Variants in PEMT observed in about 807,000 individuals in gnomAD.
PEMT encodes the protein phospholipid methyltransferase.
A neutral mutation model predicts 27.4 loss-of-function variants in PEMT; 23 were observed. The ratio of observed to expected loss-of-function variants is 0.84; its 90% CI spans 0.60 to 1.19. The LOEUF is 1.19. Among genes scored for constraint, PEMT ranks in the 50% most tolerant of loss-of-function variants. The pLI is 0.00. For missense variants in PEMT, 307 were observed against 310.1 expected, an observed-to-expected ratio of 0.99 and a Z score of 0.07; for synonymous variants, 137 against 139.1, an observed-to-expected ratio of 0.98 and a Z score of 0.11.
intron 2 of PEMT, among the ~76,000 whole-genome samples, chr17:17,525,977 G>A (rs1201539809): frequency 6.8e-6 from 1 of 146,370 alleles, no homozygotes; most frequent in Admixed American, 6.9e-5. Context: ...CTGGGTGACA[G>A]AGCGAAACTC....
intron 4 of PEMT, among the ~76,000 whole-genome samples, chr17:17,510,382 G>T (rs1309442689): frequency 6.6e-6 from 1 of 152,168 alleles, no homozygotes; most frequent in Non-Finnish European, 1.5e-5. Context: ...CCAGCCTTCT[G>T]TCCCCAGAAA....
intron 2 of PEMT, among the ~76,000 whole-genome samples, chr17:17,528,691 A>G (rs1907876476): frequency 6.6e-6 from 1 of 152,248 alleles, no homozygotes; most frequent in Non-Finnish European, 1.5e-5. Flanking sequence ...GCCCCCCAGA[A>G]CCTATGAGAG....
chr17:17,580,165 T>G (rs553261987), intron 1 of PEMT, among the ~76,000 whole-genome samples: 4 of 152,232 alleles, frequency 2.6e-5, no homozygotes, highest in African/African-American at 9.6e-5. Flanking sequence ...GGCCTGGCCT[T>G]ATCTTCAGCT....
intron 5 of PEMT, chr17:17,507,827 C>T (rs1906007864): frequency 6.5e-6 from 1 of 153,874 alleles, no homozygotes; most frequent in Non-Finnish European, 1.4e-5. Context: ...GATAATGGCT[C>T]ATCTCTAATG....
chr17:17,570,456 C>T (rs900935486), intron 2 of PEMT: 2 of 943,068 alleles, frequency 2.1e-6, no homozygotes, highest in Non-Finnish European at 2.5e-6. Context: ...GGGCAGAGGC[C>T]GGGGACATTG....
chr17:17,518,413 G>A (rs543047495), intron 3 of PEMT, among the ~76,000 whole-genome samples: 6 of 152,294 alleles, frequency 3.9e-5, no homozygotes, highest in Middle Eastern at 3.4e-3. Context: ...CAAGTGCCCC[G>A]GAGCCCATCA....
chr17:17,586,216 A>AAAG (rs1912250547), intron 1 of PEMT, among the ~76,000 whole-genome samples: 3 of 79,328 alleles, frequency 3.8e-5, no homozygotes, highest in African/African-American at 1.6e-4. Flanking sequence ...GAAAGAAAGA[A>AAAG]AAAGAAAGAA....
At position 17,591,591 on chromosome 17, in the gene PEMT, C is replaced by A; in HGVS notation, c.36G>T (p.Thr12=). 6.2e-7 allele frequency: 1 copy of A among 1,613,618 alleles called. No homozygotes were observed. Among genetic ancestry groups the A allele is most frequent in the South Asian group, 1.1e-5 (1 of 91,014 alleles). ...KRSGNPGAEV[T]NSSVAGPDCC... is the part of the protein sequence containing the mutation. ...AGTCAGGCCCTGCCACCGAGCTGTTCGTTACCTCGGCTCCCGGGTTCCCAG... is the reference window on the plus strand; with the variant it reads ...AGTCAGGCCCTGCCACCGAGCTGTTAGTTACCTCGGCTCCCGGGTTCCCAG... The change falls in exon 1 of 7, where the codon ACG becomes ACT. Residue 12 remains threonine, a synonymous_variant. Transcript: ENST00000255389.
chr17:17,506,295 G>A lies in PEMT; in HGVS notation c.585C>T (p.Ala195=). ...CCGTCAGGAGCAGGCCCGTGGGGCTGGCGTGCCTGAAAGGACAGAGGCAGG... is the reference window on the plus strand; with the variant it reads ...CCGTCAGGAGCAGGCCCGTGGGGCTAGCGTGCCTGAAAGGACAGAGGCAGG... ...ANYLGWAIMH[A]SPTGLLLTVL... Residue 195 remains alanine, a synonymous_variant, in exon 6 of 7, where the codon GCC becomes GCT. Transcript: ENST00000255389. The A allele has an allele frequency of 6.3e-7, 1 of 1,576,944 alleles. No homozygotes were observed. The highest frequency in any genetic ancestry group is 8.6e-7 in the Non-Finnish European group (1 of 1,160,586).
chr17:17,577,217 T>A (rs1442777665), intron 1 of PEMT, among the ~76,000 whole-genome samples, 190 bp from the exon 2 acceptor site: 1 of 152,174 alleles, frequency 6.6e-6, no homozygotes, highest in Non-Finnish European at 1.5e-5. Flanking sequence ...AGCTGTGTCA[T>A]GTCCTGGGAG....
chr17:17,590,098 G>GC (rs1912514955), intron 1 of PEMT, among the ~76,000 whole-genome samples: 2 of 150,314 alleles, frequency 1.3e-5, no homozygotes, highest in Non-Finnish European at 1.5e-5. Context: ...TCTGAGGGCA[G>GC]CCCCTGGAGG....
chr17:17,573,338 G>T (rs1911341195), intron 2 of PEMT, among the ~76,000 whole-genome samples: 1 of 149,554 alleles, frequency 6.7e-6, no homozygotes, highest in African/African-American at 2.5e-5. Flanking sequence ...TTGGTGGCAG[G>T]TCCCCGTAAT....
chr17:17,505,825 C>T lies in PEMT; in HGVS notation c.677G>A (p.Arg226Gln), dbSNP rs147868279. ...YEEPFTAEIY[R>Q]QKASGSHKRS ...CTTGTGGGACCCGGAGGCTTTCTGC[C>T]GGTAGATCTCAGCGGTGAAGGGCCT... is the stretch of plus-strand genomic sequence containing the variant. The change falls in exon 7 of 7, where the codon CGG (arginine) becomes CAG (glutamine). Residue 226 changes from arginine (R) to glutamine (Q), a missense_variant. By Grantham distance (43) the Arg-to-Gln change is conservative (BLOSUM62 1). Coordinates refer to ENST00000255389, the MANE Select transcript of PEMT (RefSeq NM_148172.3). 852 of 1,611,236 alleles carry T rather than the reference C, an allele frequency of 5.3e-4. 1 individual carries two copies. The highest frequency in any genetic ancestry group is 6.7e-4 in the Non-Finnish European group (790 of 1,178,602).
chr17:17,587,500 A>C (rs769102753), intron 1 of PEMT, among the ~76,000 whole-genome samples: 1 of 152,136 alleles, frequency 6.6e-6, no homozygotes, highest in African/African-American at 2.4e-5. Flanking sequence ...AATAATTCCA[A>C]TTCCACACAA....
At chr17:17,518,188 C>G in intron 3 of PEMT, 9 of 982,770 alleles carry the variant, frequency 9.2e-6, no homozygotes, top group Non-Finnish European at 1.1e-5. Context: ...CGCTGATGCC[C>G]TAACAAGCTC....
Position 17,553,048 on chromosome 17 carries a change from G to T in PEMT, c.204+23872C>A, listed in dbSNP as rs533914728. On this transcript the variant is annotated intron_variant, in intron 2 of 6. Coordinates refer to ENST00000255389, the MANE Select transcript of PEMT (RefSeq NM_148172.3). Reference sequence around the variant, plus strand: ...ACCTTTTCTTCATGGAAACCAGCATGCAGGTTTCCATTTAGGTGTGAAGGT... The same window carrying T: ...ACCTTTTCTTCATGGAAACCAGCATTCAGGTTTCCATTTAGGTGTGAAGGT... Among the ~76,000 whole-genome samples the T allele has an allele frequency of 2.0e-5, 3 of 152,354 alleles. No homozygotes were observed. In the South Asian group the frequency reaches 6.2e-4, roughly 32 times the overall value.
intron 3 of PEMT, among the ~76,000 whole-genome samples, chr17:17,516,959 G>T (rs1328063322): frequency 6.6e-6 from 1 of 152,198 alleles, no homozygotes; most frequent in Non-Finnish European, 1.5e-5. Context: ...GTCCTAATCA[G>T]CTGGCCTTGA....
chr17:17,519,822 A>T (rs1449075541), intron 3 of PEMT, among the ~76,000 whole-genome samples: 1 of 152,188 alleles, frequency 6.6e-6, no homozygotes, highest in African/African-American at 2.4e-5. Flanking sequence ...AGAGACTCAG[A>T]GCAGCTCCCG....
intron 3 of PEMT, among the ~76,000 whole-genome samples, chr17:17,521,819 G>A (rs1051991540): frequency 2.0e-5 from 3 of 152,036 alleles, no homozygotes; most frequent in South Asian, 4.2e-4. Context: ...CACCCGCCTC[G>A]GCCTCCCAAA....
Sources: gnomAD v4.1 joint callset for allele counts (sites outside exome capture counted in the v4.1 genomes callset) on GRCh38, gnomAD v4.1.1 for gene constraint, MANE v1.5 for transcripts, NCBI Gene and HGNC (gene_info 2026-07-23, HGNC 2026-07-21) for gene names.